The following USP54 variants were observed in gnomAD, a reference collection of about 807,000 sequenced individuals.
USP54 encodes the protein ubiquitin carboxyl-terminal hydrolase 54.
Under a neutral mutation model 170.5 loss-of-function variants are expected in USP54, and 87 were observed. The ratio of observed to expected loss-of-function variants is 0.51; its 90% CI spans 0.43 to 0.61. The LOEUF is 0.61. Among genes scored for constraint, USP54 ranks in the 20% least tolerant of loss-of-function variants. The probability of loss-of-function intolerance (pLI) is 0.00; values close to 1 mark genes in which losing one functional copy is unlikely to be tolerated. For missense variants in USP54, 1,786 were observed against 2,047.8 expected (o/e 0.87, Z 2.47); for synonymous variants, 655 against 742.8 (o/e 0.88, Z 1.92).
intron 22 of USP54, among the ~76,000 whole-genome samples, chr10:73,503,045 T>C (rs1485575007): frequency 6.6e-6 from 1 of 152,212 alleles, no homozygotes; most frequent in Non-Finnish European, 1.5e-5. Flanking sequence ...GACTTATCTC[T>C]ATCCTTCCAA....
intron 12 of USP54, among the ~76,000 whole-genome samples, chr10:73,533,088 C>T (rs1480183351): frequency 3.3e-5 from 5 of 152,098 alleles, no homozygotes; most frequent in Admixed American, 2.0e-4. Flanking sequence ...GGGTGGATCA[C>T]GAGGTCAGGA....
In USP54 at chr10:73,498,346, GCTCAC is replaced by G; in HGVS notation, c.*278_*282del. 4.8e-6 allele frequency: 1 copy of G among 207,766 alleles called. No individual in the cohort carries two copies. The highest frequency in any genetic ancestry group is 5.2e-5 in the Admixed American group (1 of 19,258). The allele number at this position is 207,766 out of a possible 1,614,324, so 12.9% of individuals were successfully genotyped here. ...GCTGGAGTGCAGTGGTGCGATCTCG[GCTCAC>G]TGCAACCTCTGCCTCCCGGGTTCAA... On this transcript the variant is annotated 3_prime_UTR_variant, in exon 24 of 24. Transcript: ENST00000687698.
chr10:73,526,799 A>G lies in USP54; in HGVS notation c.2061-19T>C. On this transcript the variant is annotated intron_variant, in intron 15 of 23. Transcript: ENST00000687698. ...TGGATCCCTTCAAAAGAGAACTCAGAGTCTAGTGAAAGCATGAAAGCAGGT... is the reference window on the plus strand; with the variant it reads ...TGGATCCCTTCAAAAGAGAACTCAGGGTCTAGTGAAAGCATGAAAGCAGGT... 6.2e-7 allele frequency: 1 copy of G among 1,612,732 alleles called. No homozygotes were observed.
At position 73,542,554 on chromosome 10, in the gene USP54, T is replaced by C. The variant is rs375862568; in HGVS notation, c.572+249A>G. On this transcript the variant is annotated intron_variant, in intron 7 of 23. Transcript: ENST00000687698. The stretch of plus-strand genomic sequence containing the variant: ...GCCTGACCAACATGATGAAACACCG[T>C]CCTGCTAAAAACACAAAAAAATTAG... 8.5e-5 allele frequency among the ~76,000 whole-genome samples: 13 copies of C among 152,268 alleles called. No homozygotes were observed. The East Asian group carries it at 2.1e-3, about 25-fold the overall frequency.
In USP54 at chr10:73,515,284, A is replaced by T. The variant is rs186958481; in HGVS notation, c.4051+1091T>A. ...TTAGAGTTAGAACATATCTTTTTTTAAAAAAAAAGCCAGTTCTCTCATTTT... is the reference window on the plus strand; with the variant it reads ...TTAGAGTTAGAACATATCTTTTTTTTAAAAAAAAGCCAGTTCTCTCATTTT... On this transcript the variant is annotated intron_variant, in intron 20 of 23. Coordinates refer to ENST00000687698, the MANE Select transcript of USP54 (RefSeq NM_001391956.1). Among the ~76,000 whole-genome samples the T allele has an allele frequency of 3.9e-3, 537 of 138,922 alleles. 3 individuals are homozygous for T. The highest frequency in any genetic ancestry group is 0.014 in the East Asian group (72 of 5,150). The allele number at this position is 138,922 out of a possible 152,430, so 91.1% of individuals were successfully genotyped here. A position where few individuals can be genotyped will look rare whatever the true frequency, so the allele number is the denominator to read the frequency against.
intron 4 of USP54, among the ~76,000 whole-genome samples, chr10:73,562,082 T>C (rs932052647): frequency 5.3e-5 from 8 of 151,700 alleles, no homozygotes; most frequent in Admixed American, 2.6e-4. Flanking sequence ...GCCTGGGTGA[T>C]AGAGCAAAAC....
rs376126537 is a variant in USP54, at chr10:73,498,443, T to A, written c.*186A>T. The A allele has an allele frequency of 2.3e-6, 1 of 430,046 alleles. No homozygotes were observed. The highest frequency in any genetic ancestry group is 4.1e-5 in the East Asian group (1 of 24,170). 26.6% of individuals were successfully genotyped at this position (430,046 alleles called of 1,614,324 possible). A position where few individuals can be genotyped will look rare whatever the true frequency, so the allele number is the denominator to read the frequency against. On this transcript the variant is annotated 3_prime_UTR_variant, in exon 24 of 24. Transcript: ENST00000687698. ...GGCACGCACCGTCACGCCTGGCTAA[T>A]TTTTTGTATTTTGGTAGAGACGGGG... is the stretch of plus-strand genomic sequence containing the variant.
At chr10:73,566,761 AAAC>A (rs1350125004) in intron 4 of USP54, among the ~76,000 whole-genome samples, 7 of 152,098 alleles carry the variant, frequency 4.6e-5, no homozygotes, top group Non-Finnish European at 1.0e-4. Flanking sequence ...AAAACAAAAA[AAAC>A]AACAACAAGG....
At chr10:73,512,682 C>T (rs1254421458) in intron 20 of USP54, among the ~76,000 whole-genome samples, 2 of 151,652 alleles carry the variant, frequency 1.3e-5, no homozygotes, top group Admixed American at 6.6e-5. Flanking sequence ...CATCATGCTC[C>T]GCTTGATTTG....
Position 73,529,793 on chromosome 10 carries a change from C to T in USP54, c.1947G>A (p.Glu649=). The T allele has an allele frequency of 6.2e-7, 1 of 1,613,678 alleles. No homozygotes were observed. The highest frequency in any genetic ancestry group is 1.1e-5 in the South Asian group (1 of 91,008). Residue 649 remains glutamate (E), a synonymous_variant, in exon 15 of 24, where the codon GAG becomes GAA. Transcript: ENST00000687698. ...TTCGCTGGATTAGTCGGGGGTGCTGCTCTAAAAGGTGAGAGCCTGGCCGTG... is the reference window on the plus strand; with the variant it reads ...TTCGCTGGATTAGTCGGGGGTGCTGTTCTAAAAGGTGAGAGCCTGGCCGTG... ...GPARPGSHLL[E]QHPRLIQRME...
In USP54 at chr10:73,498,724, T is replaced by C. The variant is rs2057435306; in HGVS notation, c.4960A>G (p.Arg1654Gly). The change falls in exon 24 of 24, where the codon AGG (arginine) becomes GGG (glycine). Residue 1654 changes from arginine (R) to glycine (G), a missense_variant. Coordinates refer to ENST00000687698, the MANE Select transcript of USP54 (RefSeq NM_001391956.1). ...QSSYASHSGHRRTVGEGFLFV... is the reference protein window; with the variant it reads ...QSSYASHSGHGRTVGEGFLFV... ...AGAAACCCCTCTCCCACTGTTCTCC[T>C]GTGTCCAGAGTGGGAGGCATAACTG... is the stretch of plus-strand genomic sequence containing the variant. The C allele has an allele frequency of 3.1e-6, 5 of 1,613,432 alleles. No individual in the cohort carries two copies. Among genetic ancestry groups the C allele is most frequent in the Admixed American group, 1.7e-5 (1 of 59,928 alleles).
At chr10:73,516,353 C>T in intron 20 of USP54, 22 bp downstream of exon 20, 1 of 1,586,058 alleles carries the variant, frequency 6.3e-7, no homozygotes, top group African/African-American at 1.3e-5. Flanking sequence ...CCCCTCCCCC[C>T]AACCCCTGGT....
chr10:73,523,486 T>C (rs1209282471), intron 17 of USP54, 97 bp downstream of exon 17: 1 of 1,394,732 alleles, frequency 7.2e-7, no homozygotes, highest in African/African-American at 1.4e-5. Flanking sequence ...AAAATTATTT[T>C]GCTAAAGAGA....
upstream of USP54, among the ~76,000 whole-genome samples, chr10:73,592,195 T>A (rs959096987): frequency 6.6e-6 from 1 of 151,994 alleles, no homozygotes; most frequent in African/African-American, 2.4e-5. Context: ...CTTCTATGTA[T>A]TACCTGAGGT....
intron 1 of USP54, among the ~76,000 whole-genome samples, chr10:73,624,180 A>G (rs1383437118): frequency 9.1e-6 from 1 of 109,894 alleles, no homozygotes; most frequent in African/African-American, 3.0e-5. Context: ...ATATATATAT[A>G]TATATATATA....
At chr10:73,539,307 A>ATATATATAT (rs1554881012) in intron 10 of USP54, 137 bp downstream of exon 10, 4 of 277,414 alleles carry the variant, frequency 1.4e-5, no homozygotes, top group African/African-American at 1.0e-4. Flanking sequence ...AAAAAAAAAA[A>ATATATATAT]ATATATATAT....
intron 1 of USP54, among the ~76,000 whole-genome samples, chr10:73,623,527 T>C (rs1249502514): frequency 6.6e-6 from 1 of 152,178 alleles, no homozygotes; most frequent in Non-Finnish European, 1.5e-5. Context: ...CCCTCACCTG[T>C]AGTCTCAGCT....
intron 1 of USP54, among the ~76,000 whole-genome samples, chr10:73,606,878 C>CAAA (rs200071977): frequency 1.8e-5 from 1 of 55,880 alleles, no homozygotes; most frequent in Non-Finnish European, 3.5e-5. Flanking sequence ...GACAATATCT[C>CAAA]AAAAAAAAAA....
At chr10:73,499,659 C>A (rs1269140580) in intron 23 of USP54, 1 of 154,332 alleles carries the variant, frequency 6.5e-6, no homozygotes, top group Non-Finnish European at 1.4e-5. Context: ...ATCCTCCCAT[C>A]TTGGCCTCCC....
Sources: gnomAD v4.1 joint callset for allele counts (sites outside exome capture counted in the v4.1 genomes callset) on GRCh38, gnomAD v4.1.1 for gene constraint, MANE v1.5 for transcripts, NCBI Gene and HGNC (gene_info 2026-07-23, HGNC 2026-07-21) for gene names.